The following TACR2 variants were observed in gnomAD, a reference collection of about 807,000 sequenced individuals.
TACR2 encodes the protein substance-K receptor.
Under a neutral mutation model 28.9 loss-of-function variants are expected in TACR2, and 24 were observed. That is an observed-to-expected ratio of 0.83 (90% CI 0.60 to 1.17). The LOEUF (loss-of-function observed/expected upper bound fraction) is 1.17. Ranked by LOEUF, TACR2 falls within the 50% of genes most tolerant of loss-of-function variation. The pLI, the probability that TACR2 is intolerant of heterozygous loss-of-function variation, is 0.00. For missense variants in TACR2, 487 were observed against 524.4 expected (o/e 0.93, Z 0.70); for synonymous variants, 222 against 212.6 (o/e 1.04, Z -0.38).
At chr10:69,407,422 G>A in intron 3 of TACR2, 142 bp from the exon 4 acceptor site, 1 of 833,764 alleles carries the variant, frequency 1.2e-6, no homozygotes, top group South Asian at 1.9e-5. Context: ...TCAGGCCTCT[G>A]AGCATGTTTT....
At chr10:69,411,287 G>T (rs1361766495) in intron 2 of TACR2, among the ~76,000 whole-genome samples, 1 of 152,212 alleles carries the variant, frequency 6.6e-6, no homozygotes, top group East Asian at 1.9e-4. Flanking sequence ...GACAGTGAAA[G>T]AAATCAGACC....
rs1442731443 is a variant in TACR2 at position 69,415,207 on chromosome 10, C to T, written c.393-68G>A. ...AGCCCAGCTCCCTTTCCCCTGTCTC[C>T]CTCTCTCCCAACCCAGGCCCACGCC... is the stretch of plus-strand genomic sequence containing the variant. On this transcript the variant is annotated intron_variant, in intron 1 of 4. Transcript: ENST00000373306. The T allele has an allele frequency of 3.9e-6, 6 of 1,519,122 alleles. No individual in the cohort carries two copies. In the African/African-American group the frequency reaches 8.2e-5, roughly 21 times the overall value. 94.1% of individuals were successfully genotyped at this position (1,519,122 alleles called of 1,614,324 possible). A position where few individuals can be genotyped will look rare whatever the true frequency, so the allele number is the denominator to read the frequency against.
chr10:69,412,441 G>A (rs1456544220), intron 2 of TACR2, among the ~76,000 whole-genome samples: 2 of 152,144 alleles, frequency 1.3e-5, no homozygotes, highest in African/African-American at 2.4e-5. Flanking sequence ...GAGGGCCAGG[G>A]CCCATCACCT....
intron 2 of TACR2, among the ~76,000 whole-genome samples, chr10:69,411,574 T>C (rs981039799): frequency 1.5e-4 from 23 of 152,176 alleles, no homozygotes; most frequent in Non-Finnish European, 4.4e-5. Flanking sequence ...AACATCACTA[T>C]TGTAAAACCT....
intron 4 of TACR2, among the ~76,000 whole-genome samples, chr10:69,405,720 A>G (rs1367755050): frequency 2.0e-5 from 3 of 152,212 alleles, no homozygotes; most frequent in African/African-American, 4.8e-5. Flanking sequence ...AGGATCTTGT[A>G]GAGCCTGGGG....
intron 4 of TACR2, 40 bp downstream of exon 4, chr10:69,407,044 G>A: frequency 1.2e-6 from 2 of 1,603,280 alleles, no homozygotes; most frequent in South Asian, 1.1e-5. Flanking sequence ...TGGGCAGTGG[G>A]GCCCTGAGGG....
intron 4 of TACR2, 142 bp downstream of exon 4, chr10:69,406,942 G>A (rs1046399660): frequency 6.3e-6 from 5 of 798,612 alleles, no homozygotes; most frequent in Admixed American, 5.6e-5. Flanking sequence ...GTGTGAGGAC[G>A]GCTTTCTCAT....
At chr10:69,408,040 T>C (rs993221002) in intron 3 of TACR2, among the ~76,000 whole-genome samples, 16 of 152,112 alleles carry the variant, frequency 1.1e-4, no homozygotes. Flanking sequence ...CTACATGATG[T>C]GGTTAACCCA....
chr10:69,415,886 G>T, intron 1 of TACR2, 46 bp downstream of exon 1: 1 of 1,593,842 alleles, frequency 6.3e-7, no homozygotes, highest in Non-Finnish European at 8.6e-7. Flanking sequence ...TCTGAGCCCC[G>T]GCTCAGTGGG....
At chr10:69,408,639 A>G (rs970232154) in intron 3 of TACR2, among the ~76,000 whole-genome samples, 5 of 152,124 alleles carry the variant, frequency 3.3e-5, no homozygotes, top group African/African-American at 1.2e-4. Flanking sequence ...GCCAAAGACC[A>G]AAGGCAAATC....
intron 2 of TACR2, among the ~76,000 whole-genome samples, chr10:69,413,551 G>T (rs75722111): frequency 0.027 from 4,063 of 152,304 alleles, 190 homozygotes; most frequent in African/African-American, 0.093. Context: ...TGCAGGGAGG[G>T]GGCAGAGACC....
chr10:69,407,923 G>C (rs1316232746), intron 3 of TACR2, among the ~76,000 whole-genome samples: 1 of 152,206 alleles, frequency 6.6e-6, no homozygotes, highest in Non-Finnish European at 1.5e-5. Flanking sequence ...GCAGATGGAG[G>C]CCAGTGCTCC....
rs775017376 is a variant in TACR2 at position 69,407,094 on chromosome 10, G to A, written c.928C>T (p.Leu310Phe). Reference sequence around the variant, plus strand: ...GGAGTGGGGGCTCACCTGTGGTTGAGACAGCAGTAGATGATGGGATTGTAC... The same window carrying A: ...GGAGTGGGGGCTCACCTGTGGTTGAAACAGCAGTAGATGATGGGATTGTAC... Reference protein sequence around the residue: ...TMYNPIIYCCLNHRFRSGFRL... With the variant: ...TMYNPIIYCCFNHRFRSGFRL... Residue 310 changes from leucine to phenylalanine, a missense_variant, in exon 4 of 5, where the codon CTC becomes TTC. Transcript: ENST00000373306. 1.2e-5 allele frequency: 19 copies of A among 1,613,648 alleles called. No homozygotes were observed.
chr10:69,406,617 T>TG (rs1840504412), intron 4 of TACR2, among the ~76,000 whole-genome samples: 2 of 152,078 alleles, frequency 1.3e-5, no homozygotes, highest in Admixed American at 6.6e-5. Context: ...GCCGGATGGG[T>TG]GCCATTCACT....
chr10:69,409,898 T>TATAC (rs1840550207), intron 2 of TACR2, among the ~76,000 whole-genome samples: 3 of 13,666 alleles, frequency 2.2e-4, no homozygotes, highest in Non-Finnish European at 3.9e-4. Context: ...TACATATATA[T>TATAC]ATATACATAT....
Position 69,404,107 on chromosome 10 carries a change from C to T in TACR2, c.*719G>A, listed in dbSNP as rs1382988119. 6.6e-6 allele frequency: 1 copy of T among 152,220 alleles called. No individual in the cohort carries two copies. Among genetic ancestry groups the T allele is most frequent in the African/African-American group, 2.4e-5 (1 of 41,452 alleles). The allele number at this position is 152,220 out of a possible 1,614,324, so 9.4% of individuals were successfully genotyped here. On this transcript the variant is annotated 3_prime_UTR_variant, in exon 5 of 5. Coordinates refer to ENST00000373306, the MANE Select transcript of TACR2 (RefSeq NM_001057.3). Reference sequence around the variant, plus strand: ...GGAAGTCAGTTGCCTTTTATCATCACATTTGCAGTTTTTCTTTTATACATA... The same window carrying T: ...GGAAGTCAGTTGCCTTTTATCATCATATTTGCAGTTTTTCTTTTATACATA...
At position 69,406,944 on chromosome 10, in the gene TACR2, CT is replaced by C. The variant is rs1840506841; in HGVS notation, c.938+139del. 11 of 832,116 alleles carry C rather than the reference CT, an allele frequency of 1.3e-5. No homozygotes were observed. The East Asian group carries it at 3.0e-4, about 22-fold the overall frequency. 51.5% of individuals were successfully genotyped at this position (832,116 alleles called of 1,614,324 possible). A position where few individuals can be genotyped will look rare whatever the true frequency, so the allele number is the denominator to read the frequency against. On this transcript the variant is annotated intron_variant, in intron 4 of 4. Transcript: ENST00000373306. ...TGCTGGGGGCTGAGTGTGAGGACGG[CT>C]TTCTCATGTAGGCTGGGGGCACAGG... is the stretch of plus-strand genomic sequence containing the variant.
chr10:69,405,164 C>G, intron 4 of TACR2, 80 bp from the exon 5 acceptor site: 2 of 1,205,670 alleles, frequency 1.7e-6, no homozygotes, highest in Non-Finnish European at 2.3e-6. Flanking sequence ...CCCCAGGAAA[C>G]TGACTCCCTT....
In TACR2 at chr10:69,414,963, C is replaced by A. The variant is rs747354247; in HGVS notation, c.569G>T (p.Gly190Val). 3 of 1,612,542 alleles carry A rather than the reference C, an allele frequency of 1.9e-6. No homozygotes were observed. The highest frequency in any genetic ancestry group is 1.7e-6 in the Non-Finnish European group (2 of 1,179,132). Reference protein sequence around the residue: ...KCVVAWPEDSGGKTLLLYHLV... With the variant: ...KCVVAWPEDSVGKTLLLYHLV... Reference sequence around the variant, plus strand: ...GCCTTACAGGAGGAGCGTCTTGCCCCCGCTGTCTTCGGGCCAGGCCACCAC... The same window carrying A: ...GCCTTACAGGAGGAGCGTCTTGCCCACGCTGTCTTCGGGCCAGGCCACCAC... The change falls in exon 2 of 5, where the codon GGG (glycine) becomes GTG (valine). Residue 190 changes from glycine (G) to valine (V), a missense_variant. Gly to Val is a moderately radical substitution (Grantham distance 109, BLOSUM62 -3). Coordinates refer to ENST00000373306, the MANE Select transcript of TACR2 (RefSeq NM_001057.3).
Sources: allele counts gnomAD v4.1 joint callset (sites outside exome capture counted in the v4.1 genomes callset), GRCh38; gene constraint gnomAD v4.1.1; transcripts MANE v1.5; gene names NCBI Gene and HGNC (gene_info 2026-07-23, HGNC 2026-07-21).